Variants in MYH14 observed in about 807,000 individuals in gnomAD.
MYH14 encodes the protein myosin-14.
In MYH14, 123 loss-of-function variants were observed where a neutral mutation model predicts 255.5. The ratio of observed to expected loss-of-function variants is 0.48; its 90% CI spans 0.42 to 0.56. The LOEUF (loss-of-function observed/expected upper bound fraction) is 0.56. Among genes scored for constraint, MYH14 ranks in the 20% least tolerant of loss-of-function variants. The probability of loss-of-function intolerance (pLI) is 0.00; values close to 1 mark genes in which losing one functional copy is unlikely to be tolerated. For missense variants in MYH14, 2,423 were observed against 2,802.3 expected (o/e 0.86, Z 3.06); for synonymous variants, 1,095 against 1,161.2 (o/e 0.94, Z 1.16).
intron 22 of MYH14, among the ~76,000 whole-genome samples, chr19:50,265,962 G>T (rs2035067789): frequency 6.6e-6 from 1 of 152,188 alleles, no homozygotes; most frequent in Non-Finnish European, 1.5e-5. Context: ...GGTCAAGTAG[G>T]ATTTGATTGG....
intron 33 of MYH14, among the ~76,000 whole-genome samples, chr19:50,284,128 T>C (rs554377792): frequency 6.6e-6 from 1 of 152,102 alleles, no homozygotes; most frequent in South Asian, 2.1e-4. Flanking sequence ...AAGTTATTTA[T>C]GTATTCTAAA....
chr19:50,282,568 C>T (rs909483801), intron 33 of MYH14, among the ~76,000 whole-genome samples: 1 of 151,958 alleles, frequency 6.6e-6, no homozygotes, highest in Non-Finnish European at 1.5e-5. Flanking sequence ...CTGGGCATGG[C>T]GGTGTGCGCC....
At chr19:50,287,895 T>C (rs942037549) in intron 34 of MYH14, among the ~76,000 whole-genome samples, 92 of 149,302 alleles carry the variant, frequency 6.2e-4, no homozygotes, top group Admixed American at 4.9e-3. Context: ...ATAACACACA[T>C]ACACACACAC....
At chr19:50,272,198 G>C (rs2035329058) in intron 26 of MYH14, among the ~76,000 whole-genome samples, 1 of 152,144 alleles carries the variant, frequency 6.6e-6, no homozygotes, top group African/African-American at 2.4e-5. Context: ...CTTCCCATCT[G>C]ACTGTCCCAC....
At position 50,309,677 on chromosome 19, in the gene MYH14, C is replaced by T; in HGVS notation, c.5998C>T (p.Gln2000Ter). 1 of 1,610,742 alleles carries T rather than the reference C, an allele frequency of 6.2e-7. No homozygotes were observed. Among genetic ancestry groups the T allele is most frequent in the Non-Finnish European group, 8.5e-7 (1 of 1,178,722 alleles). Residue 2000 changes from glutamine to a stop codon, truncating the protein, a stop_gained, in exon 43 of 43, where the codon CAG becomes TAG. Transcript: ENST00000642316. LOFTEE classifies it low-confidence loss of function (END_TRUNC). ...PLTFTTRTVR[Q>*]VFRLEEGVAS... is the part of the protein sequence containing the mutation. Reference sequence around the variant, plus strand: ...CACCTTCACCACCCGCACGGTGCGCCAGGTCTTCCGACTAGAGGAGGGCGT... The same window carrying T: ...CACCTTCACCACCCGCACGGTGCGCTAGGTCTTCCGACTAGAGGAGGGCGT...
At chr19:50,207,255 G>A (rs201551981) in intron 1 of MYH14, among the ~76,000 whole-genome samples, 18 of 125,148 alleles carry the variant, frequency 1.4e-4, no homozygotes, top group East Asian at 7.5e-4. Context: ...GAGAGAGAGA[G>A]AAAGAGAGAG....
In MYH14 at chr19:50,255,264, C is replaced by T. The variant is rs1400515343; in HGVS notation, c.1990C>T (p.Pro664Ser). The stretch of plus-strand genomic sequence containing the variant: ...GTTCTCTTTCCTTGGCTCCTTCCCA[C>T]CGTCGCCCCCAGGATCTGCAGAGAG... ...QQFSFLGSFP[P>S]SPPGSAERCS... Residue 664 changes from proline to serine, a missense_variant, in exon 17 of 43, where the codon CCG (proline) becomes TCG (serine). Pro to Ser is a moderately conservative substitution (Grantham distance 74). Coordinates refer to ENST00000642316, the MANE Select transcript of MYH14 (RefSeq NM_001145809.2). 1.3e-6 allele frequency: 2 copies of T among 1,551,564 alleles called. No individual in the cohort carries two copies. Among genetic ancestry groups the T allele is most frequent in the Non-Finnish European group, 8.7e-7 (1 of 1,146,994 alleles).
intron 5 of MYH14, 47 bp downstream of exon 5, chr19:50,223,396 G>C (rs1234191837): frequency 3.9e-6 from 5 of 1,283,900 alleles, no homozygotes; most frequent in Non-Finnish European, 5.5e-6. Flanking sequence ...CCACAGCACT[G>C]CCCCTTCCAT....
rs772826327 is a variant in MYH14, at chr19:50,225,695, G to A, written c.810+18G>A. 9 of 1,593,866 alleles carry A rather than the reference G, an allele frequency of 5.6e-6. No homozygotes were observed. The highest frequency in any genetic ancestry group is 7.7e-6 in the Non-Finnish European group (9 of 1,162,700). ...CCCGATTCGTGAGTGCCAGGGGTGGGCAGTGCTGGCTGTGTCAGGGATACA... is the reference window on the plus strand; with the variant it reads ...CCCGATTCGTGAGTGCCAGGGGTGGACAGTGCTGGCTGTGTCAGGGATACA... On this transcript the variant is annotated intron_variant, in intron 7 of 42. Transcript: ENST00000642316.
At position 50,252,639 on chromosome 19, in the gene MYH14, GT is replaced by G; in HGVS notation, c.1832del (p.Val611AlafsTer9). The G allele has an allele frequency of 6.3e-7, 1 of 1,581,832 alleles. No homozygotes were observed. The highest frequency in any genetic ancestry group is 1.2e-5 in the South Asian group (1 of 86,320). On this transcript the variant is annotated frameshift_variant and splice_region_variant, in exon 16 of 43. Transcript: ENST00000642316. LOFTEE classifies it high-confidence loss of function. This position sits in a 1 kb window ranked among gnomAD's most constrained non-coding sequence, Gnocchi z 4.2. ...CCCTCCTCTACCTGACTTCATTCAG[GT>G]CGACTACAAGGCCAACGAGTGGCTG... ...DFSVLHYAGK[V>X]DYKANEWLMK...
chr19:50,274,349 C>A (rs937087201), intron 27 of MYH14, among the ~76,000 whole-genome samples: 7 of 152,286 alleles, frequency 4.6e-5, no homozygotes, highest in Middle Eastern at 3.4e-3. Context: ...GGCTGGAGTG[C>A]AGTGGCATGA....
intron 21 of MYH14, 50 bp downstream of exon 21, chr19:50,261,685 G>C (rs777144771): frequency 6.6e-7 from 1 of 1,518,736 alleles, no homozygotes; most frequent in Non-Finnish European, 8.8e-7. Context: ...GACTGGGTCA[G>C]GGAGGGGTTG....
At chr19:50,308,192 G>A (rs1014949091) in intron 41 of MYH14, 1 of 152,198 alleles carries the variant, frequency 6.6e-6, no homozygotes, top group Admixed American at 6.5e-5. Flanking sequence ...CCAGTCAGAG[G>A]GAACAGCAAG....
chr19:50,219,011 T>A (rs911840485), intron 3 of MYH14, among the ~76,000 whole-genome samples: 1 of 146,230 alleles, frequency 6.8e-6, no homozygotes, highest in African/African-American at 2.5e-5. Context: ...TGTATATATA[T>A]ATTTTTTATA....
chr19:50,249,680 T>G lies in MYH14; in HGVS notation c.1513T>G (p.Tyr505Asp). The change falls in exon 14 of 43, where the codon TAC (tyrosine) becomes GAC (aspartate). Residue 505 changes from tyrosine to aspartate, a missense_variant. Transcript: ENST00000642316. ...LNSFEQLCIN[Y>D]TNEKLQQLFN... ...CTCCTTCGAGCAGCTCTGCATCAAC[T>G]ACACCAACGAGAAGCTGCAGCAGCT... The G allele has an allele frequency of 6.2e-7, 1 of 1,614,204 alleles. No individual in the cohort carries two copies. The highest frequency in any genetic ancestry group is 2.2e-5 in the East Asian group (1 of 44,882).
chr19:50,278,872 C>T (rs1291204398), intron 30 of MYH14, among the ~76,000 whole-genome samples: 2 of 151,240 alleles, frequency 1.3e-5, no homozygotes, highest in African/African-American at 4.9e-5. Flanking sequence ...CCTGTAATCC[C>T]AGCTACTCGA....
rs8108435 is a variant in MYH14 at position 50,275,894 on chromosome 19, C to T, written c.3468-97C>T. The T allele has an allele frequency of 0.21, 195,820 of 928,916 alleles. 22,608 individuals carry two copies. The highest frequency in any genetic ancestry group is 0.24 in the Non-Finnish European group (144,770 of 613,166). 57.5% of individuals were successfully genotyped at this position (928,916 alleles called of 1,614,324 possible). ...GAGAGGATTCTAACCTGGGACTGGCCACTCCCAAAGCCCACATCCAGCCTC... is the reference window on the plus strand; with the variant it reads ...GAGAGGATTCTAACCTGGGACTGGCTACTCCCAAAGCCCACATCCAGCCTC... On this transcript the variant is annotated intron_variant, in intron 27 of 42. Coordinates refer to ENST00000642316, the MANE Select transcript of MYH14 (RefSeq NM_001145809.2).
intron 1 of MYH14, among the ~76,000 whole-genome samples, chr19:50,208,167 C>A (rs1022687186): frequency 6.6e-6 from 1 of 152,226 alleles, no homozygotes; most frequent in Non-Finnish European, 1.5e-5. Flanking sequence ...GTAATCCCAG[C>A]ACTTTGGGAG....
intron 39 of MYH14, among the ~76,000 whole-genome samples, chr19:50,299,882 T>C (rs941505188): frequency 6.6e-6 from 1 of 152,092 alleles, no homozygotes; most frequent in African/African-American, 2.4e-5. Flanking sequence ...GAGGCAGAGA[T>C]TGCAGTGAGC....
Sources: allele counts gnomAD v4.1 joint callset (sites outside exome capture counted in the v4.1 genomes callset), GRCh38; gene constraint gnomAD v4.1.1; non-coding constraint Gnocchi (gnomAD v3.1); transcripts MANE v1.5; gene names NCBI Gene and HGNC (gene_info 2026-07-23, HGNC 2026-07-21).